Variants in SLC25A26 observed in about 807,000 individuals in gnomAD.
SLC25A26 encodes mitochondrial S-adenosylmethionine carrier protein.
Under a neutral mutation model 37.8 loss-of-function variants are expected in SLC25A26, and 36 were observed. The ratio of observed to expected loss-of-function variants is 0.95; its 90% CI spans 0.73 to 1.26. The LOEUF (loss-of-function observed/expected upper bound fraction) is 1.26. Among genes scored for constraint, SLC25A26 ranks in the 50% most tolerant of loss-of-function variants. SLC25A26 has a pLI of 0.00. For synonymous variants in SLC25A26, 129 were observed against 122.5 expected, an observed-to-expected ratio of 1.05 and a Z score of -0.35; for missense variants, 390 against 331.1, an observed-to-expected ratio of 1.18 and a Z score of -1.38.
At chr3:66,166,598 G>A (rs1055708263) in intron 1 of SLC25A26, among the ~76,000 whole-genome samples, 1 of 152,150 alleles carries the variant, frequency 6.6e-6, no homozygotes, top group African/African-American at 2.4e-5. Context: ...TTTTTAATTT[G>A]GTTAAGTTCA....
intron 7 of SLC25A26, 76 bp from the exon 8 acceptor site, chr3:66,369,400 CAG>C (rs1048418581): frequency 1.7e-5 from 21 of 1,224,930 alleles, no homozygotes; most frequent in Non-Finnish European, 2.3e-5. Flanking sequence ...GTGATTTGGG[CAG>C]AGTCAGGAAT....
chr3:66,261,783 G>T, intron 3 of SLC25A26: 1 of 283,744 alleles, frequency 3.5e-6, no homozygotes, highest in Non-Finnish European at 6.4e-6. Flanking sequence ...TTGCCGTTGG[G>T]AGGCTTGTAG....
At chr3:66,222,482 A>C (rs781820116) in intron 1 of SLC25A26, among the ~76,000 whole-genome samples, 40 of 152,302 alleles carry the variant, frequency 2.6e-4, no homozygotes, top group Admixed American at 1.1e-3. Context: ...CGCCTGGCCA[A>C]TGTTACCGCT....
chr3:66,248,476 G>A (rs977254241), intron 3 of SLC25A26, among the ~76,000 whole-genome samples: 1 of 152,164 alleles, frequency 6.6e-6, no homozygotes, highest in Admixed American at 6.5e-5. Flanking sequence ...CGGTACATAT[G>A]CTATAACATT....
chr3:66,213,369 C>T lies in SLC25A26; in HGVS notation c.-353-7373C>T, dbSNP rs889583831. Among the ~76,000 whole-genome samples the T allele has an allele frequency of 9.2e-5, 12 of 131,022 alleles. No individual in the cohort carries two copies. In the South Asian group the frequency reaches 1.6e-3, roughly 17 times the overall value. The allele number at this position is 131,022 out of a possible 152,430, so 86.0% of individuals were successfully genotyped here. On this transcript the variant is annotated intron_variant, in intron 1 of 10. Coordinates refer to the SLC25A26 transcript ENST00000676754. Reference sequence around the variant, plus strand: ...GAGCCAAGATCATGCCACTGCACTCCACCCTGGGAAACAGAGCAAGACTCT... The same window carrying T: ...GAGCCAAGATCATGCCACTGCACTCTACCCTGGGAAACAGAGCAAGACTCT...
intron 1 of SLC25A26, among the ~76,000 whole-genome samples, chr3:66,208,643 C>T (rs1291145331): frequency 2.9e-5 from 3 of 104,838 alleles, no homozygotes; most frequent in East Asian, 2.5e-4. Context: ...AATATATATA[C>T]ACACACACCT....
At chr3:66,316,508 G>A (rs77286063) in intron 5 of SLC25A26, among the ~76,000 whole-genome samples, 1,983 of 152,204 alleles carry the variant, frequency 0.013, 46 homozygotes, top group African/African-American at 0.044. Context: ...GGGCCTCCCT[G>A]TAGAGATGAG....
chr3:66,246,736 A>G (rs2072860372), intron 3 of SLC25A26, among the ~76,000 whole-genome samples: 1 of 152,088 alleles, frequency 6.6e-6, no homozygotes, highest in African/African-American at 2.4e-5. Context: ...ACACCTATTT[A>G]TAGTTGCTAT....
At chr3:66,321,136 GAA>G (rs978613468) in intron 5 of SLC25A26, among the ~76,000 whole-genome samples, 1 of 152,162 alleles carries the variant, frequency 6.6e-6, no homozygotes, top group Admixed American at 6.5e-5. Flanking sequence ...GTGTTACAGT[GAA>G]AAGACCAAGA....
intron 6 of SLC25A26, among the ~76,000 whole-genome samples, chr3:66,361,982 GAAGAAAGA>G (rs536206920): frequency 4.0e-5 from 6 of 151,830 alleles, no homozygotes; most frequent in Non-Finnish European, 7.4e-5. Context: ...CAAAAAAAAA[GAAGAAAGA>G]AAGAAAGAAA....
At chr3:66,180,949 A>G (rs1414546916) in intron 1 of SLC25A26, among the ~76,000 whole-genome samples, 1 of 152,050 alleles carries the variant, frequency 6.6e-6, no homozygotes, top group African/African-American at 2.4e-5. Context: ...AGAGAAAGAG[A>G]CACCAGGAGT....
chr3:66,369,050 CA>C (rs962307090), intron 7 of SLC25A26, among the ~76,000 whole-genome samples: 8 of 18,706 alleles, frequency 4.3e-4, no homozygotes, highest in South Asian at 2.3e-3. Flanking sequence ...AAAACAAAAA[CA>C]AAAAAAAAAA....
intron 1 of SLC25A26, among the ~76,000 whole-genome samples, chr3:66,195,883 C>T (rs903909037): frequency 3.3e-5 from 5 of 152,296 alleles, no homozygotes; most frequent in Admixed American, 1.3e-4. Flanking sequence ...TAATTATTCA[C>T]TTGGCAAATT....
intron 1 of SLC25A26, among the ~76,000 whole-genome samples, chr3:66,208,661 G>GTT (rs2071212471): frequency 2.5e-3 from 60 of 23,772 alleles, no homozygotes; most frequent in East Asian, 0.01. Flanking sequence ...CCTTTATATG[G>GTT]GTATATATAT....
intron 1 of SLC25A26, among the ~76,000 whole-genome samples, chr3:66,186,536 C>A (rs1299277567): frequency 3.9e-5 from 6 of 152,186 alleles, no homozygotes; most frequent in African/African-American, 1.4e-4. Flanking sequence ...CTAACCTTTA[C>A]CCTGACACTG....
At chr3:66,267,587 C>T (rs2073802465) in intron 5 of SLC25A26, among the ~76,000 whole-genome samples, 1 of 152,184 alleles carries the variant, frequency 6.6e-6, no homozygotes, top group Non-Finnish European at 1.5e-5. Flanking sequence ...CTGGTTGGAG[C>T]TGTCCCAATG....
intron 5 of SLC25A26, chr3:66,304,515 C>T: frequency 2.2e-6 from 1 of 455,856 alleles, no homozygotes; most frequent in Non-Finnish European, 4.4e-6. Flanking sequence ...TTGTGTGTGG[C>T]TTGTATACAT....
At chr3:66,284,419 A>G (rs1297086878) in intron 5 of SLC25A26, among the ~76,000 whole-genome samples, 2 of 152,202 alleles carry the variant, frequency 1.3e-5, no homozygotes, top group Admixed American at 1.3e-4. Context: ...AAATAGTTTC[A>G]TATGATACAG....
At chr3:66,139,793 A>C (rs1325161871) in intron 1 of SLC25A26, among the ~76,000 whole-genome samples, 2 of 152,208 alleles carry the variant, frequency 1.3e-5, no homozygotes, top group African/African-American at 2.4e-5. Context: ...CTAAGCGCTA[A>C]AGCCGTGGGT....
Sources: allele counts gnomAD v4.1 joint callset (sites outside exome capture counted in the v4.1 genomes callset), GRCh38; gene constraint gnomAD v4.1.1; transcripts MANE v1.5; gene names NCBI Gene and HGNC (gene_info 2026-07-23, HGNC 2026-07-21).